The following ADAMTS2 variants were observed in gnomAD, a reference collection of about 807,000 sequenced individuals.
The protein encoded by ADAMTS2 is A disintegrin and metalloproteinase with thrombospondin motifs 2.
ADAMTS2 carries 50 observed loss-of-function variants against 123.0 expected under a neutral mutation model. The observed-to-expected ratio is 0.41, with a 90% confidence interval of 0.32 to 0.51. The LOEUF is 0.51. Ranked by LOEUF, ADAMTS2 falls within the 20% of genes least tolerant of loss-of-function variation. The pLI is 0.35. For synonymous variants in ADAMTS2, 678 were observed against 695.4 expected, an observed-to-expected ratio of 0.98 and a Z score of 0.39; for missense variants, 1,494 against 1,705.2, an observed-to-expected ratio of 0.88 and a Z score of 2.18.
chr5:179,306,157 A>T (rs1289725967), intron 2 of ADAMTS2, among the ~76,000 whole-genome samples: 2 of 152,120 alleles, frequency 1.3e-5, no homozygotes, highest in Non-Finnish European at 2.9e-5. Context: ...CTACAAACCA[A>T]TATCCCTCAT....
intron 13 of ADAMTS2, among the ~76,000 whole-genome samples, chr5:179,134,809 G>A (rs1280036121): frequency 2.3e-4 from 15 of 66,336 alleles, no homozygotes; most frequent in African/African-American, 7.6e-4. Flanking sequence ...CCCAGCTCCC[G>A]GCTCCAGCCC....
chr5:179,264,934 G>A (rs114467972), intron 3 of ADAMTS2, among the ~76,000 whole-genome samples: 5,889 of 80,904 alleles, frequency 0.073, 352 homozygotes, highest in African/African-American at 0.2. Context: ...GGAGCTGAGC[G>A]CGCTGACCCC....
intron 2 of ADAMTS2, among the ~76,000 whole-genome samples, chr5:179,322,783 G>A (rs1160043588): frequency 2.0e-5 from 3 of 152,248 alleles, no homozygotes; most frequent in Non-Finnish European, 4.4e-5. Context: ...GGCCTCTCTG[G>A]GCTGCGGCTC....
chr5:179,239,307 T>C (rs1429914121), intron 3 of ADAMTS2, among the ~76,000 whole-genome samples: 3 of 152,064 alleles, frequency 2.0e-5, no homozygotes, highest in Non-Finnish European at 4.4e-5. Context: ...TCTCAACAGG[T>C]TTCTCATCAG....
Position 179,308,922 on chromosome 5 carries a change from A to T in ADAMTS2, c.534+34845T>A, listed in dbSNP as rs765904990. On this transcript the variant is annotated intron_variant, in intron 2 of 21. Coordinates refer to ENST00000251582, the MANE Select transcript of ADAMTS2 (RefSeq NM_014244.5). The surrounding 1 kb of genome is among the most constrained non-coding windows in gnomAD (Gnocchi z 6.6). ...CCCTCAGCTGCCCATTCATTCAGCC[A>T]TTCTTCTAGGAGGACAGGCCAGGCC... Among the ~76,000 whole-genome samples, 1 of 152,178 alleles carries T rather than the reference A, an allele frequency of 6.6e-6. No homozygotes were observed. Among genetic ancestry groups the T allele is most frequent in the Non-Finnish European group, 1.5e-5 (1 of 68,024 alleles).
chr5:179,245,454 G>A (rs1240210901), intron 3 of ADAMTS2, among the ~76,000 whole-genome samples: 2 of 152,152 alleles, frequency 1.3e-5, no homozygotes, highest in African/African-American at 4.8e-5. Context: ...AACACAAGTT[G>A]CACAGCAAGA....
chr5:179,257,668 C>G (rs1394342162), intron 3 of ADAMTS2, among the ~76,000 whole-genome samples: 2 of 152,194 alleles, frequency 1.3e-5, no homozygotes, highest in South Asian at 2.1e-4. Context: ...GCTGGAAAGG[C>G]CTCTCTTGAC....
rs944407794 is a variant in ADAMTS2, at chr5:179,234,356, AC to A, written c.689-26642del. On this transcript the variant is annotated intron_variant, in intron 3 of 21. Transcript: ENST00000251582. The surrounding 1 kb of genome is among the most constrained non-coding windows in gnomAD (Gnocchi z 4.7). ...CATCTCAGAGAGAAGTGGAGGCTGC[AC>A]CCCCACAGGAAGTGGGGCCCAGTCC... Among the ~76,000 whole-genome samples, 41 of 151,854 alleles carry A rather than the reference AC, an allele frequency of 2.7e-4. No homozygotes were observed. Among genetic ancestry groups the A allele is most frequent in the Admixed American group, 2.7e-3 (41 of 15,244 alleles).
intron 2 of ADAMTS2, among the ~76,000 whole-genome samples, chr5:179,330,132 C>CA (rs58696442): frequency 0.32 from 30,494 of 96,544 alleles, 4,578 homozygotes; most frequent in Admixed American, 0.34. Flanking sequence ...GACTCCGTCT[C>CA]AAAAAAAAAA....
In ADAMTS2 at chr5:179,114,014, T is replaced by G. The variant is rs764091863; in HGVS notation, c.3489A>C (p.Glu1163Asp). Residue 1163 changes from glutamate to aspartate, a missense_variant, in exon 22 of 22, where the codon GAA becomes GAC. By Grantham distance (45) the Glu-to-Asp change is conservative. Coordinates refer to ENST00000251582, the MANE Select transcript of ADAMTS2 (RefSeq NM_014244.5). ...CTTCCAGGCCATGGATTTTGTAGGG[T>G]TCATCTACGGCATTGGTTTCTGGGT... ...EDHPETNAVD[E>D]PYKIHGLEDE... is the part of the protein sequence containing the mutation. The G allele has an allele frequency of 6.2e-7, 1 of 1,614,068 alleles. No individual in the cohort carries two copies. Among genetic ancestry groups the G allele is most frequent in the Non-Finnish European group, 8.5e-7 (1 of 1,180,014 alleles).
intron 2 of ADAMTS2, among the ~76,000 whole-genome samples, chr5:179,295,827 C>T (rs1040108443): frequency 6.6e-6 from 1 of 152,224 alleles, no homozygotes; most frequent in Non-Finnish European, 1.5e-5. Context: ...ACCTTCCACA[C>T]ACGTCCTCAA....
rs73807266 is a variant in ADAMTS2 at position 179,162,376 on chromosome 5, G to A, written c.976-3497C>T. On this transcript the variant is annotated intron_variant, in intron 5 of 21. Coordinates refer to ENST00000251582, the MANE Select transcript of ADAMTS2 (RefSeq NM_014244.5). The surrounding 1 kb of genome is among the most constrained non-coding windows in gnomAD (Gnocchi z 5.1). ...AGGTGTGAGGTGGGGGGCCTGCAGCGGCTGGAGCCCCCCTGCACTACAGGA... is the reference window on the plus strand; with the variant it reads ...AGGTGTGAGGTGGGGGGCCTGCAGCAGCTGGAGCCCCCCTGCACTACAGGA... Among the ~76,000 whole-genome samples the A allele has an allele frequency of 0.019, 2,896 of 152,212 alleles. 104 individuals carry two copies. Among genetic ancestry groups the A allele is most frequent in the African/African-American group, 0.066 (2,738 of 41,544 alleles).
chr5:179,179,615 ATT>A, intron 5 of ADAMTS2, among the ~76,000 whole-genome samples: 1 of 152,238 alleles, frequency 6.6e-6, no homozygotes, highest in South Asian at 2.1e-4. Flanking sequence ...GTTTTTGCCA[ATT>A]TCCCCTTTGT....
At position 179,189,160 on chromosome 5, in the gene ADAMTS2, A is replaced by C. The variant is rs371785390; in HGVS notation, c.892-8005T>G. ...AGTCCCTGTGTCTCAGGGTTGTTTC[A>C]GGTTGAAGCAACAATGAAAATTATC... On this transcript the variant is annotated intron_variant, in intron 4 of 21. Transcript: ENST00000251582. The surrounding 1 kb of genome is among the most constrained non-coding windows in gnomAD (Gnocchi z 4.2). 3.9e-4 allele frequency among the ~76,000 whole-genome samples: 60 copies of C among 152,266 alleles called. No homozygotes were observed. The South Asian group carries it at 0.012, about 29-fold the overall frequency.
At chr5:179,319,723 C>T (rs1404442757) in intron 2 of ADAMTS2, among the ~76,000 whole-genome samples, 2 of 152,090 alleles carry the variant, frequency 1.3e-5, no homozygotes, top group Non-Finnish European at 2.9e-5. Context: ...GAAGCCTCTC[C>T]CCTCTGTTGA....
chr5:179,153,221 G>T (rs761815320), intron 9 of ADAMTS2, among the ~76,000 whole-genome samples: 2 of 152,158 alleles, frequency 1.3e-5, no homozygotes, highest in Non-Finnish European at 2.9e-5. Flanking sequence ...CCTGACCTCT[G>T]CAGGCTCTCA....
intron 3 of ADAMTS2, among the ~76,000 whole-genome samples, chr5:179,217,769 G>GACA (rs1561811094): frequency 2.7e-4 from 17 of 63,438 alleles, no homozygotes; most frequent in Admixed American, 6.9e-4. Flanking sequence ...GAGGGGGGAT[G>GACA]GGCACACTCA....
chr5:179,339,723 G>A (rs1757713592), intron 2 of ADAMTS2, among the ~76,000 whole-genome samples: 1 of 152,186 alleles, frequency 6.6e-6, no homozygotes, highest in Admixed American at 6.5e-5. Flanking sequence ...TCCAGGCAGT[G>A]CCAAGGTGGG....
intron 3 of ADAMTS2, among the ~76,000 whole-genome samples, chr5:179,252,233 C>A (rs1024178968): frequency 3.3e-5 from 5 of 152,008 alleles, no homozygotes; most frequent in Admixed American, 1.3e-4. Context: ...TGGTCTCGAA[C>A]CCCTGAGCTC....
Sources: allele counts gnomAD v4.1 joint callset (sites outside exome capture counted in the v4.1 genomes callset), GRCh38; gene constraint gnomAD v4.1.1; non-coding constraint Gnocchi (gnomAD v3.1); transcripts MANE v1.5; gene names NCBI Gene and HGNC (gene_info 2026-07-23, HGNC 2026-07-21).